Variants in SEMA5B observed in about 807,000 individuals in gnomAD.
The protein encoded by SEMA5B is semaphorin 5B.
A neutral mutation model predicts 135.0 loss-of-function variants in SEMA5B; 66 were observed. The observed-to-expected ratio is 0.49, with a 90% confidence interval of 0.40 to 0.60. The LOEUF (loss-of-function observed/expected upper bound fraction) is 0.60, where lower values mean the gene tolerates loss of function less well. Ranked by LOEUF, SEMA5B falls within the 20% of genes least tolerant of loss-of-function variation. The probability of loss-of-function intolerance (pLI) is 0.00; values close to 1 mark genes in which losing one functional copy is unlikely to be tolerated. For synonymous variants in SEMA5B, 690 were observed against 639.5 expected (o/e 1.08, Z -1.19); for missense variants, 1,501 against 1,566.3 (o/e 0.96, Z 0.70).
In SEMA5B at chr3:122,912,046, A is replaced by G. The variant is rs1560276687; in HGVS notation, c.2920T>C (p.Trp974Arg). The change falls in exon 20 of 23, where the codon TGG becomes CGG. Residue 974 changes from tryptophan (W) to arginine (R), a missense_variant. By Grantham distance (101) the Trp-to-Arg change is moderately radical (BLOSUM62 -3). Transcript: ENST00000357599. ...GCTCCGTCGTCAGTGCACTTACTCC[A>G]CTCAGACCAGGGCGACCAGCCTTCT... ...CPEGWSPWSE[W>R]SKCTDDGAQS... The G allele has an allele frequency of 6.2e-7, 1 of 1,612,954 alleles. No homozygotes were observed. The highest frequency in any genetic ancestry group is 8.5e-7 in the Non-Finnish European group (1 of 1,179,394).
rs550710985 is a variant in SEMA5B, at chr3:123,018,323, C to T, written c.-39+9141G>A. Among the ~76,000 whole-genome samples, 6 of 152,350 alleles carry T rather than the reference C, an allele frequency of 3.9e-5. No individual in the cohort carries two copies. In the East Asian group the frequency reaches 7.7e-4, roughly 20 times the overall value. The stretch of plus-strand genomic sequence containing the variant: ...TCACTCTGGGCTCTTCTGGTTCTCC[C>T]GAGCTGAAGAGTATGTTTTTCCATA... On this transcript the variant is annotated intron_variant, in intron 1 of 22. Coordinates refer to ENST00000357599, the MANE Select transcript of SEMA5B (RefSeq NM_001031702.4).
At chr3:122,967,609 C>T (rs1180231345) in intron 1 of SEMA5B, among the ~76,000 whole-genome samples, 2 of 152,226 alleles carry the variant, frequency 1.3e-5, no homozygotes, top group Admixed American at 6.5e-5. Flanking sequence ...GCCCCCACAT[C>T]TCCAGGTGCA....
In SEMA5B at chr3:122,926,408, C is replaced by A. The variant is rs749560598; in HGVS notation, c.1120G>T (p.Val374Phe). The change falls in exon 9 of 23, where the codon GTT becomes TTT. Residue 374 changes from valine (V) to phenylalanine (F), a missense_variant. Around this residue, in one of 2 missense-constraint regions of SEMA5B, gnomAD observed 574 missense variants for 684.7 expected, o/e 0.84. Transcript: ENST00000357599. ...AGGACTCACACGTTGGTTGTGAAAA[C>A]TCCATAGATGAGGTCCTGCTCCGGC... ...HLPEQDLIYG[V>F]FTTNVNSIAA... 1 of 1,612,720 alleles carries A rather than the reference C, an allele frequency of 6.2e-7. No individual in the cohort carries two copies. The highest frequency in any genetic ancestry group is 1.3e-5 in the African/African-American group (1 of 75,056).
intron 1 of SEMA5B, among the ~76,000 whole-genome samples, chr3:122,998,963 C>A (rs529093891): frequency 2.6e-5 from 4 of 152,300 alleles, no homozygotes; most frequent in African/African-American, 7.2e-5. Flanking sequence ...ACCTGTCCAA[C>A]CCTTTCATGT....
intron 4 of SEMA5B, among the ~76,000 whole-genome samples, chr3:122,939,903 G>T (rs762979032): frequency 1.9e-4 from 29 of 152,072 alleles, no homozygotes; most frequent in Non-Finnish European, 3.4e-4. Context: ...CTCCTACTCT[G>T]GCCCTCCACC....
intron 1 of SEMA5B, among the ~76,000 whole-genome samples, chr3:123,015,927 C>T (rs1245862381): frequency 6.6e-6 from 1 of 152,218 alleles, no homozygotes; most frequent in African/African-American, 2.4e-5. Flanking sequence ...ATGTCTGGGC[C>T]TCAAGACTGT....
chr3:123,007,147 C>T (rs1398219980), intron 1 of SEMA5B, among the ~76,000 whole-genome samples: 1 of 152,186 alleles, frequency 6.6e-6, no homozygotes, highest in Non-Finnish European at 1.5e-5. Context: ...GACCTCCCAA[C>T]ACCTACTCAT....
intron 1 of SEMA5B, among the ~76,000 whole-genome samples, chr3:122,989,992 C>T (rs988988569): frequency 6.6e-6 from 1 of 152,172 alleles, no homozygotes; most frequent in African/African-American, 2.4e-5. Flanking sequence ...CTCCCTGTCC[C>T]TGTTCTTTAG....
chr3:122,913,112 G>A (rs1007998071), intron 17 of SEMA5B, 51 bp from the exon 18 acceptor site: 20 of 1,419,228 alleles, frequency 1.4e-5, no homozygotes, highest in Non-Finnish European at 1.8e-5. Context: ...CCCCGACCCC[G>A]GCCTGGGCCT....
intron 1 of SEMA5B, among the ~76,000 whole-genome samples, chr3:122,997,525 C>CA (rs1305704476): frequency 1.3e-5 from 2 of 151,182 alleles, no homozygotes; most frequent in African/African-American, 4.9e-5. Context: ...CTCTCCCCCC[C>CA]CCGTCTCCAC....
chr3:122,942,435 C>T (rs377545645), intron 4 of SEMA5B, among the ~76,000 whole-genome samples: 3 of 152,198 alleles, frequency 2.0e-5, no homozygotes, highest in Non-Finnish European at 2.9e-5. Context: ...TCCCCAACCC[C>T]ACACCCACTG....
chr3:122,943,404 C>G lies in SEMA5B; in HGVS notation c.428+32G>C, dbSNP rs773921357. The G allele has an allele frequency of 4.7e-6, 7 of 1,489,268 alleles. No homozygotes were observed. The Admixed American group carries it at 7.7e-5, about 16-fold the overall frequency. 92.3% of individuals were successfully genotyped at this position (1,489,268 alleles called of 1,614,324 possible). On this transcript the variant is annotated intron_variant, in intron 4 of 22. Coordinates refer to ENST00000357599, the MANE Select transcript of SEMA5B (RefSeq NM_001031702.4). ...CTCTACCCAGCTCCAAGCCCCTGCA[C>G]TTCCCACCCCGACCCTTCTGCCCCT...
chr3:122,926,093 C>G (rs1014247201), intron 9 of SEMA5B, among the ~76,000 whole-genome samples: 1 of 152,198 alleles, frequency 6.6e-6, no homozygotes, highest in Non-Finnish European at 1.5e-5. Context: ...GCTCCCCTCC[C>G]CTACATGGCT....
intron 1 of SEMA5B, among the ~76,000 whole-genome samples, chr3:122,996,253 G>A (rs752203965): frequency 2.6e-5 from 4 of 152,268 alleles, no homozygotes; most frequent in South Asian, 2.1e-4. Context: ...TGGCCTTGGC[G>A]GCTACGGGTG....
chr3:122,982,068 C>T (rs1255932914), intron 1 of SEMA5B, among the ~76,000 whole-genome samples: 1 of 152,156 alleles, frequency 6.6e-6, no homozygotes, highest in African/African-American at 2.4e-5. Flanking sequence ...GGGAGCCATG[C>T]AATGCTTTAG....
chr3:122,974,311 G>A lies in SEMA5B; in HGVS notation c.-38-13010C>T, dbSNP rs535370710. On this transcript the variant is annotated intron_variant, in intron 1 of 22. Transcript: ENST00000357599. ...CCCTCGCTCCTGCACACACACAGGT[G>A]AAAGACAGGTCTGAGTGAAGGCCAG... 2.0e-5 allele frequency among the ~76,000 whole-genome samples: 3 copies of A among 152,350 alleles called. No individual in the cohort carries two copies. The South Asian group carries it at 6.2e-4, about 32-fold the overall frequency.
intron 1 of SEMA5B, among the ~76,000 whole-genome samples, chr3:122,987,416 A>G (rs1244533683): frequency 6.6e-6 from 1 of 152,198 alleles, no homozygotes; most frequent in African/African-American, 2.4e-5. Flanking sequence ...TCCTGCTATC[A>G]GCACCCCACT....
At chr3:122,912,468 C>T in intron 18 of SEMA5B, 126 bp from the exon 19 acceptor site, 2 of 882,366 alleles carry the variant, frequency 2.3e-6, no homozygotes, top group East Asian at 2.8e-5. Flanking sequence ...CCCGATCCAC[C>T]CGCCACCCAA....
Position 122,913,890 on chromosome 3 carries a change from G to A in SEMA5B, c.2100C>T (p.Gly700=). Residue 700 remains glycine, a synonymous_variant, in exon 15 of 23, where the codon GGC becomes GGT. Coordinates refer to ENST00000357599, the MANE Select transcript of SEMA5B (RefSeq NM_001031702.4). The stretch of plus-strand genomic sequence containing the variant: ...CCCGGCTCTTGCCCACGCAGATGCG[G>A]CCCCCGTGGCGGGGAGCAGGGTTGC... ...SCSNPAPRHG[G]RICVGKSREE... 6.2e-7 allele frequency: 1 copy of A among 1,612,002 alleles called. No individual in the cohort carries two copies. The highest frequency in any genetic ancestry group is 2.2e-5 in the East Asian group (1 of 44,874).
Sources: gnomAD v4.1 joint callset for allele counts (sites outside exome capture counted in the v4.1 genomes callset) on GRCh38, gnomAD v4.1.1 for gene constraint, gnomAD v4.1.1 regional missense constraint, MANE v1.5 for transcripts, NCBI Gene and HGNC (gene_info 2026-07-23, HGNC 2026-07-21) for gene names.